SPECC1: variants seen among roughly 807,000 people sequenced by gnomAD.
SPECC1 encodes sperm antigen with calponin homology and coiled-coil domains 1.
A neutral mutation model predicts 104.1 loss-of-function variants in SPECC1; 62 were observed. The ratio of observed to expected loss-of-function variants is 0.60; its 90% CI spans 0.49 to 0.74. SPECC1 has a LOEUF of 0.74. Among genes scored for constraint, SPECC1 ranks in the 30% least tolerant of loss-of-function variants. The pLI, the probability that SPECC1 is intolerant of heterozygous loss-of-function variation, is 0.00. For missense variants in SPECC1, 1,306 were observed against 1,310.5 expected (o/e 1.00, Z 0.05); for synonymous variants, 513 against 501.6 (o/e 1.02, Z -0.30).
chr17:20,236,726 C>A, intron 7 of SPECC1: 16 of 809,978 alleles, frequency 2.0e-5, no homozygotes, highest in East Asian at 1.6e-4. Context: ...GACTTAAAAT[C>A]TGTTGGCCTA....
intron 1 of SPECC1, among the ~76,000 whole-genome samples, chr17:20,041,138 T>G (rs1048434406): frequency 6.6e-6 from 1 of 152,316 alleles, no homozygotes; most frequent in African/African-American, 2.4e-5. Flanking sequence ...TATTTTCTGT[T>G]GAAGTTCACT....
intron 3 of SPECC1, among the ~76,000 whole-genome samples, chr17:20,188,191 GAT>G (rs1406671581): frequency 1.3e-5 from 2 of 151,944 alleles, no homozygotes; most frequent in African/African-American, 4.8e-5. Flanking sequence ...TAGGTTATAT[GAT>G]TTCTGTTTCT....
At chr17:20,119,459 C>T (rs1407329481) in intron 3 of SPECC1, among the ~76,000 whole-genome samples, 1 of 152,030 alleles carries the variant, frequency 6.6e-6, no homozygotes, top group African/African-American at 2.4e-5. Flanking sequence ...CTTGAACTCC[C>T]AACCTCAGGT....
intron 4 of SPECC1, among the ~76,000 whole-genome samples, chr17:20,216,605 T>C (rs1259360442): frequency 6.6e-6 from 1 of 152,100 alleles, no homozygotes; most frequent in Non-Finnish European, 1.5e-5. Context: ...CTCTGGGCCC[T>C]GCGTAGGAAC....
chr17:20,316,109 T>C lies in SPECC1; in HGVS notation c.*2044T>C, dbSNP rs1473426564. Reference sequence around the variant, plus strand: ...TTGTATTTAAATGAAACTCGACACATAGAACCAATTCAACCTGAAAGTTAC... The same window carrying C: ...TTGTATTTAAATGAAACTCGACACACAGAACCAATTCAACCTGAAAGTTAC... On this transcript the variant is annotated 3_prime_UTR_variant, in exon 15 of 15. Coordinates refer to ENST00000395527, the MANE Select transcript of SPECC1 (RefSeq NM_001243439.2). 1.3e-5 allele frequency: 3 copies of C among 231,658 alleles called. No homozygotes were observed. Among genetic ancestry groups the C allele is most frequent in the East Asian group, 1.2e-4 (2 of 16,402 alleles). 14.4% of individuals were successfully genotyped at this position (231,658 alleles called of 1,614,324 possible).
intron 5 of SPECC1, among the ~76,000 whole-genome samples, chr17:20,228,031 A>G (rs1801787847): frequency 6.6e-6 from 1 of 151,972 alleles, no homozygotes; most frequent in South Asian, 2.1e-4. Flanking sequence ...GTGCGCTGTA[A>G]TCTCCTAGGA....
At chr17:20,083,067 C>G (rs1183565005) in intron 1 of SPECC1, among the ~76,000 whole-genome samples, 1 of 111,258 alleles carries the variant, frequency 9.0e-6, no homozygotes. Context: ...CTGTATTATT[C>G]TTTGAGTCCT....
chr17:20,148,177 G>C (rs1189219611), intron 3 of SPECC1, among the ~76,000 whole-genome samples: 2 of 152,208 alleles, frequency 1.3e-5, no homozygotes, highest in Non-Finnish European at 2.9e-5. Context: ...ATATGTATTA[G>C]AGTTTATTAT....
chr17:20,242,812 G>T (rs764934170), intron 7 of SPECC1, among the ~76,000 whole-genome samples: 9 of 152,278 alleles, frequency 5.9e-5, no homozygotes, highest in Admixed American at 3.3e-4. Context: ...TAGTTTTGTT[G>T]AAAATTAAAT....
chr17:20,143,189 A>AG (rs2031041038), intron 3 of SPECC1, among the ~76,000 whole-genome samples: 1 of 150,524 alleles, frequency 6.6e-6, no homozygotes, highest in Non-Finnish European at 1.5e-5. Flanking sequence ...AAAAAAAAAA[A>AG]GCCTGGGCAA....
chr17:20,096,915 G>A lies in SPECC1; in HGVS notation c.147+117G>A, dbSNP rs1214572030. ...CGGGGCAGGGAAGGAGGCTCCCAAG[G>A]AGGGGTCGCAGGAGGACCAGCATGC... On this transcript the variant is annotated intron_variant, in intron 2 of 14. Transcript: ENST00000395527. 13 of 1,338,088 alleles carry A rather than the reference G, an allele frequency of 9.7e-6. No individual in the cohort carries two copies. The East Asian group carries it at 3.0e-4, about 31-fold the overall frequency. The allele number at this position is 1,338,088 out of a possible 1,614,324, so 82.9% of individuals were successfully genotyped here.
intron 5 of SPECC1, among the ~76,000 whole-genome samples, chr17:20,228,776 T>C (rs2038392215): frequency 6.6e-6 from 1 of 152,216 alleles, no homozygotes; most frequent in Non-Finnish European, 1.5e-5. Context: ...GGGAAAGAAA[T>C]TTTTAAAAGA....
At chr17:20,181,335 A>G (rs1246895858) in intron 3 of SPECC1, among the ~76,000 whole-genome samples, 2 of 152,170 alleles carry the variant, frequency 1.3e-5, no homozygotes, top group Admixed American at 1.3e-4. Context: ...ATGGTAGAGA[A>G]GATAAATAAG....
chr17:20,094,159 G>A (rs1487179117), intron 1 of SPECC1, among the ~76,000 whole-genome samples: 2 of 152,184 alleles, frequency 1.3e-5, no homozygotes, highest in Non-Finnish European at 2.9e-5. Context: ...GCTCAGGAAA[G>A]GGAGTGTGGG....
chr17:20,313,271 C>A (rs190880146), intron 14 of SPECC1, among the ~76,000 whole-genome samples: 18 of 152,070 alleles, frequency 1.2e-4, no homozygotes, highest in African/African-American at 4.1e-4. Context: ...AACAAACAAA[C>A]AAAAAAACAC....
In SPECC1 at chr17:20,232,378, G is replaced by A; in HGVS notation, c.2324G>A (p.Arg775Lys). The A allele has an allele frequency of 6.2e-7, 1 of 1,612,838 alleles. No individual in the cohort carries two copies. The highest frequency in any genetic ancestry group is 8.5e-7 in the Non-Finnish European group (1 of 1,179,352). Residue 775 changes from arginine (R) to lysine (K), a missense_variant, in exon 7 of 15, where the codon AGG (arginine) becomes AAG (lysine). By Grantham distance (26) the Arg-to-Lys change is conservative. Around this residue, in one of 2 missense-constraint regions of SPECC1, gnomAD observed 1,177 missense variants for 1,139.9 expected, o/e 1.03. Transcript: ENST00000395527. ...KELGDVQGHGRVVTSRAAPPP... is the reference protein window; with the variant it reads ...KELGDVQGHGKVVTSRAAPPP... Reference sequence around the variant, plus strand: ...CTGGGGGATGTGCAGGGCCACGGCAGGGTGGTCACCAGCAGAGCCGCCCCT... The same window carrying A: ...CTGGGGGATGTGCAGGGCCACGGCAAGGTGGTCACCAGCAGAGCCGCCCCT...
intron 12 of SPECC1, 62 bp from the exon 13 acceptor site, chr17:20,296,899 T>A (rs2041370756): frequency 1.4e-6 from 2 of 1,435,160 alleles, no homozygotes; most frequent in Non-Finnish European, 2.0e-6. Context: ...ACAATCTTCC[T>A]CATCTGTGAT....
At chr17:20,211,831 G>A (rs1032104484) in intron 4 of SPECC1, among the ~76,000 whole-genome samples, 2 of 152,190 alleles carry the variant, frequency 1.3e-5, no homozygotes, top group African/African-American at 2.4e-5. Flanking sequence ...GCCTGACCCT[G>A]CTTCCCTGCG....
chr17:20,082,848 A>G (rs902695655), intron 1 of SPECC1, among the ~76,000 whole-genome samples: 8 of 152,004 alleles, frequency 5.3e-5, no homozygotes, highest in African/African-American at 1.9e-4. Flanking sequence ...AGTTCAGCCC[A>G]TGACTAGAGT....
Sources: gnomAD v4.1 joint callset for allele counts (sites outside exome capture counted in the v4.1 genomes callset) on GRCh38, gnomAD v4.1.1 for gene constraint, gnomAD v4.1.1 regional missense constraint, MANE v1.5 for transcripts, NCBI Gene and HGNC (gene_info 2026-07-23, HGNC 2026-07-21) for gene names.